Variants in CDC42BPB observed in about 807,000 individuals in gnomAD.
The protein encoded by CDC42BPB is serine/threonine-protein kinase MRCK beta.
A neutral mutation model predicts 214.9 loss-of-function variants in CDC42BPB; 37 were observed. That is an observed-to-expected ratio of 0.17 (90% CI 0.13 to 0.23). The LOEUF (loss-of-function observed/expected upper bound fraction) is 0.23, where lower values mean the gene tolerates loss of function less well. Among genes scored for constraint, CDC42BPB ranks in the 10% least tolerant of loss-of-function variants. The pLI is 1.00. For missense variants in CDC42BPB, 1,694 were observed against 2,227.0 expected (o/e 0.76, Z 4.82); for synonymous variants, 931 against 884.0 (o/e 1.05, Z -0.94).
intron 1 of CDC42BPB, among the ~76,000 whole-genome samples, chr14:103,016,011 C>T (rs1468241663): frequency 3.9e-5 from 6 of 152,170 alleles, no homozygotes; most frequent in East Asian, 1.9e-4. Context: ...CCACTGCGCC[C>T]GGCCGAGGCT....
intron 1 of CDC42BPB, among the ~76,000 whole-genome samples, chr14:103,038,260 G>C (rs1357729870): frequency 2.0e-5 from 3 of 148,832 alleles, no homozygotes; most frequent in African/African-American, 4.9e-5. Flanking sequence ...GCGTGAACCT[G>C]GGAGGAGGCG....
chr14:103,036,691 T>C (rs1887684176), intron 1 of CDC42BPB, among the ~76,000 whole-genome samples: 1 of 152,252 alleles, frequency 6.6e-6, no homozygotes, highest in South Asian at 2.1e-4. Context: ...ATTCTGGGAA[T>C]GCACATATGA....
chr14:103,002,471 C>CA (rs1318409683), intron 4 of CDC42BPB, among the ~76,000 whole-genome samples: 1 of 152,198 alleles, frequency 6.6e-6, no homozygotes, highest in Non-Finnish European at 1.5e-5. Context: ...ATATTAGAAA[C>CA]AAAACAAGCA....
chr14:103,013,749 G>A (rs1886291931), intron 1 of CDC42BPB, among the ~76,000 whole-genome samples: 1 of 152,210 alleles, frequency 6.6e-6, no homozygotes, highest in African/African-American at 2.4e-5. Context: ...GCGTTCCCCG[G>A]AGCCTGCGAG....
chr14:102,953,888 C>T (rs903836917), intron 23 of CDC42BPB, among the ~76,000 whole-genome samples: 8 of 152,176 alleles, frequency 5.3e-5, no homozygotes, highest in Non-Finnish European at 8.8e-5. Context: ...AGTAAGCTGC[C>T]TACCTGTGGA....
chr14:102,987,515 GGTGA>G, intron 5 of CDC42BPB, among the ~76,000 whole-genome samples: 1 of 152,214 alleles, frequency 6.6e-6, no homozygotes, highest in East Asian at 1.9e-4. Flanking sequence ...CAAGAGAATG[GGTGA>G]GTAAGCTGGG....
At chr14:102,970,708 A>G (rs1295452698) in intron 13 of CDC42BPB, among the ~76,000 whole-genome samples, 3 of 151,950 alleles carry the variant, frequency 2.0e-5, no homozygotes, top group East Asian at 1.9e-4. Context: ...TGCCCAAACC[A>G]CTCGAGGGCA....
chr14:103,030,034 C>A (rs1263818870), intron 1 of CDC42BPB, among the ~76,000 whole-genome samples: 3 of 151,940 alleles, frequency 2.0e-5, no homozygotes, highest in Non-Finnish European at 1.5e-5. Flanking sequence ...CAGTGCCTAA[C>A]TGGCTCTCAC....
At chr14:102,949,308 C>T (rs1892370007) in intron 26 of CDC42BPB, among the ~76,000 whole-genome samples, 1 of 152,174 alleles carries the variant, frequency 6.6e-6, no homozygotes, top group Non-Finnish European at 1.5e-5. Flanking sequence ...GGCACTGAGA[C>T]AGGGTCACAT....
chr14:102,934,805 A>G (rs1307544825), intron 36 of CDC42BPB, among the ~76,000 whole-genome samples: 1 of 151,912 alleles, frequency 6.6e-6, no homozygotes, highest in East Asian at 1.9e-4. Context: ...AGGTCAGGAG[A>G]TTGAGACCAT....
In CDC42BPB at chr14:102,945,687, G is replaced by C. The variant is rs141924737; in HGVS notation, c.3786C>G (p.Leu1262=). 1.9e-6 allele frequency: 3 copies of C among 1,612,964 alleles called. No homozygotes were observed. The Admixed American group carries it at 5.0e-5, about 27-fold the overall frequency. The change falls in exon 29 of 37, where the codon CTC becomes CTG. Residue 1262 remains leucine, a synonymous_variant. Transcript: ENST00000361246. Reference sequence around the variant, plus strand: ...CATCTCGGGTGACCTCTATGACATAGAGCCCTTCTTCTAGGCCGACTGCAA... The same window carrying C: ...CATCTCGGGTGACCTCTATGACATACAGCCCTTCTTCTAGGCCGACTGCAA... ...DRIAVGLEEG[L]YVIEVTRDVI...
At position 103,001,491 on chromosome 14, in the gene CDC42BPB, C is replaced by A. The variant is rs111566553; in HGVS notation, c.448-1778G>T. On this transcript the variant is annotated intron_variant, in intron 4 of 36. Coordinates refer to ENST00000361246, the MANE Select transcript of CDC42BPB (RefSeq NM_006035.4). The surrounding 1 kb of genome is among the most constrained non-coding windows in gnomAD (Gnocchi z 5.8). ...TCCAGATGAAGGGGTGCGTGCAAAG[C>A]GGCTAGGAGGAAAGTGGCAGCGGCA... 6.6e-6 allele frequency among the ~76,000 whole-genome samples: 1 copy of A among 152,140 alleles called. No individual in the cohort carries two copies. The highest frequency in any genetic ancestry group is 2.1e-4 in the South Asian group (1 of 4,830).
intron 12 of CDC42BPB, 73 bp from the exon 13 acceptor site, chr14:102,972,234 A>C: frequency 6.3e-7 from 1 of 1,579,462 alleles, no homozygotes; most frequent in Non-Finnish European, 8.6e-7. Flanking sequence ...TCGGTCTTCC[A>C]TGATATTGAG....
intron 1 of CDC42BPB, among the ~76,000 whole-genome samples, chr14:103,043,371 A>G (rs185874625): frequency 7.4e-4 from 112 of 152,352 alleles, no homozygotes; most frequent in East Asian, 6.7e-3. Flanking sequence ...GGGATAATGC[A>G]CTATATACGC....
At chr14:103,036,314 G>T (rs1488932987) in intron 1 of CDC42BPB, among the ~76,000 whole-genome samples, 1 of 151,636 alleles carries the variant, frequency 6.6e-6, no homozygotes, top group Non-Finnish European at 1.5e-5. Context: ...CACCACGCCC[G>T]GCTAATTTTT....
intron 5 of CDC42BPB, among the ~76,000 whole-genome samples, chr14:102,998,912 G>A (rs1013775852): frequency 6.6e-6 from 1 of 150,812 alleles, no homozygotes; most frequent in East Asian, 1.9e-4. Flanking sequence ...GCATTTTAGG[G>A]AGGGGGTCTT....
At chr14:102,986,768 CCCT>C (rs1456991598) in intron 5 of CDC42BPB, 188 bp from the exon 6 acceptor site, 2 of 981,232 alleles carry the variant, frequency 2.0e-6, no homozygotes, top group African/African-American at 3.5e-5. Context: ...GTATCACTGC[CCCT>C]CGTTTAGTCC....
At chr14:102,972,688 C>CAAAAAAAAAA (rs56956413) in intron 12 of CDC42BPB, among the ~76,000 whole-genome samples, 3 of 44,978 alleles carry the variant, frequency 6.7e-5, no homozygotes, top group Non-Finnish European at 1.2e-4. Flanking sequence ...GACTCTGCCT[C>CAAAAAAAAAA]AAAAAAAAAA....
chr14:102,948,948 C>T (rs1023775238), intron 26 of CDC42BPB, among the ~76,000 whole-genome samples: 2 of 151,998 alleles, frequency 1.3e-5, no homozygotes, highest in African/African-American at 2.4e-5. Flanking sequence ...CAGGTGATGC[C>T]GACTCACCCT....
Sources: allele counts gnomAD v4.1 joint callset (sites outside exome capture counted in the v4.1 genomes callset), GRCh38; gene constraint gnomAD v4.1.1; non-coding constraint Gnocchi (gnomAD v3.1); transcripts MANE v1.5; gene names NCBI Gene and HGNC (gene_info 2026-07-23, HGNC 2026-07-21).